The following COL24A1 variants were observed in gnomAD, a reference collection of about 807,000 sequenced individuals.
COL24A1 encodes collagen type XXIV alpha 1 chain.
COL24A1 carries 224 observed loss-of-function variants against 253.9 expected under a neutral mutation model. That is an observed-to-expected ratio of 0.88 (90% CI 0.79 to 0.99). COL24A1 has a LOEUF of 0.99. COL24A1 is among the 50% of genes least tolerant of loss of function. The pLI is 0.00. For missense variants in COL24A1, 2,131 were observed against 2,068.5 expected (o/e 1.03, Z -0.59); for synonymous variants, 685 against 673.7 (o/e 1.02, Z -0.26).
chr1:85,793,832 C>G (rs1670547117), intron 47 of COL24A1, among the ~76,000 whole-genome samples: 1 of 151,946 alleles, frequency 6.6e-6, no homozygotes, highest in African/African-American at 2.4e-5. Flanking sequence ...GGTGTTATAC[C>G]AATGACCAGG....
chr1:85,887,347 G>T lies in COL24A1; in HGVS notation c.2976+2213C>A, dbSNP rs1325454283. 4.6e-5 allele frequency among the ~76,000 whole-genome samples: 7 copies of T among 152,202 alleles called. No individual in the cohort carries two copies. In the East Asian group the frequency reaches 7.7e-4, roughly 17 times the overall value. On this transcript the variant is annotated intron_variant, in intron 32 of 59. Coordinates refer to ENST00000370571, the MANE Select transcript of COL24A1 (RefSeq NM_152890.7). Reference sequence around the variant, plus strand: ...TCACCATTCTCCTCTTATTGAAGGCGATTGGGTACAGTTGTGCAGGTTGAA... The same window carrying T: ...TCACCATTCTCCTCTTATTGAAGGCTATTGGGTACAGTTGTGCAGGTTGAA...
In COL24A1 at chr1:85,904,310, G is replaced by A. The variant is rs372549281; in HGVS notation, c.2778+2884C>T. ...CAAGAAAAAAGATGAGGTTAACTTC[G>A]CTCTGTGTCATCTCTCCTGTTTGGG... On this transcript the variant is annotated intron_variant, in intron 28 of 59. Coordinates refer to ENST00000370571, the MANE Select transcript of COL24A1 (RefSeq NM_152890.7). Among the ~76,000 whole-genome samples, 5 of 152,182 alleles carry A rather than the reference G, an allele frequency of 3.3e-5. No homozygotes were observed. The East Asian group carries it at 5.8e-4, about 18-fold the overall frequency.
chr1:85,957,734 C>T (rs1690616859), intron 24 of COL24A1, among the ~76,000 whole-genome samples: 2 of 152,176 alleles, frequency 1.3e-5, no homozygotes, highest in African/African-American at 2.4e-5. Context: ...TCCTCTTCTA[C>T]TTCTGCTCTT....
intron 19 of COL24A1, among the ~76,000 whole-genome samples, chr1:86,009,669 G>A (rs1696317103): frequency 1.3e-5 from 2 of 152,152 alleles, no homozygotes; most frequent in African/African-American, 2.4e-5. Context: ...GTTGCTCTGA[G>A]TGAGTTAGTA....
chr1:85,830,903 G>A lies in COL24A1; in HGVS notation c.3682-7165C>T, dbSNP rs144498904. ...GTCTTCTGCGTTGCTCACGCTGGGA[G>A]CTGTAGACCGGAGCTGTTCTTATTT... is the stretch of plus-strand genomic sequence containing the variant. On this transcript the variant is annotated intron_variant, in intron 43 of 59. Transcript: ENST00000370571. 7.7e-3 allele frequency among the ~76,000 whole-genome samples: 1,174 copies of A among 152,254 alleles called. 19 individuals are homozygous for A. Among genetic ancestry groups the A allele is most frequent in the Non-Finnish European group, 0.011 (758 of 68,016 alleles).
At chr1:85,823,404 AG>A (rs1673863977) in intron 45 of COL24A1, 131 bp downstream of exon 45, 1 of 755,042 alleles carries the variant, frequency 1.3e-6, no homozygotes, top group South Asian at 1.9e-5. Flanking sequence ...CCCTACTTAG[AG>A]GCCCATAGTG....
At chr1:86,101,397 G>T (rs961571171) in intron 5 of COL24A1, among the ~76,000 whole-genome samples, 15 of 152,048 alleles carry the variant, frequency 9.9e-5, no homozygotes, top group African/African-American at 3.6e-4. Flanking sequence ...TGCCTATTTT[G>T]CTCCGGCCAG....
intron 12 of COL24A1, chr1:86,045,954 CT>C (rs1416425050): frequency 2.8e-6 from 1 of 352,898 alleles, no homozygotes; most frequent in Admixed American, 3.4e-5. Flanking sequence ...TTCAGTGGAG[CT>C]TTGCTCAATT....
At chr1:86,002,177 C>T (rs149420463) in intron 19 of COL24A1, among the ~76,000 whole-genome samples, 2 of 152,250 alleles carry the variant, frequency 1.3e-5, no homozygotes, top group Non-Finnish European at 2.9e-5. Flanking sequence ...CAATCACTTA[C>T]ATCTCTATGA....
intron 12 of COL24A1, among the ~76,000 whole-genome samples, chr1:86,045,500 G>T (rs567022306): frequency 1.3e-5 from 2 of 151,916 alleles, no homozygotes; most frequent in Non-Finnish European, 2.9e-5. Flanking sequence ...ATTAGAAATT[G>T]GATACCCAAT....
At chr1:85,957,881 C>T (rs1316201063) in intron 24 of COL24A1, among the ~76,000 whole-genome samples, 1 of 152,170 alleles carries the variant, frequency 6.6e-6, no homozygotes, top group Non-Finnish European at 1.5e-5. Flanking sequence ...AAACATGGTC[C>T]TAAATGATTG....
intron 19 of COL24A1, among the ~76,000 whole-genome samples, chr1:86,010,792 T>C (rs1696418695): frequency 6.6e-6 from 1 of 152,126 alleles, no homozygotes; most frequent in African/African-American, 2.4e-5. Flanking sequence ...CATGAATTGA[T>C]ATGATTTCCA....
At chr1:85,962,592 C>T (rs1001523260) in intron 23 of COL24A1, among the ~76,000 whole-genome samples, 2 of 151,724 alleles carry the variant, frequency 1.3e-5, no homozygotes, top group Non-Finnish European at 2.9e-5. Flanking sequence ...TAAGTGGGGC[C>T]CTGAAAAATA....
rs757253847 is a variant in COL24A1, at chr1:86,092,290, C to T, written c.1630G>A (p.Gly544Ser). 12 of 1,605,440 alleles carry T rather than the reference C, an allele frequency of 7.5e-6. No homozygotes were observed. Among genetic ancestry groups the T allele is most frequent in the Non-Finnish European group, 1.0e-5 (12 of 1,173,794 alleles). The change falls in exon 6 of 60, where the codon GGT becomes AGT. Residue 544 changes from glycine (G) to serine (S), a missense_variant. By Grantham distance (56) the Gly-to-Ser change is moderately conservative (BLOSUM62 0). Coordinates refer to ENST00000370571, the MANE Select transcript of COL24A1 (RefSeq NM_152890.7). ...ACCTTTTCTCCAGGAACAGGTTGAC[C>T]TGGGGAAAATCCTGGATCTCCTTTG... ...GPKGDPGFSPGQPVPGEKGDQ... is the reference protein window; with the variant it reads ...GPKGDPGFSPSQPVPGEKGDQ...
At chr1:85,943,404 T>C (rs1380823326) in intron 24 of COL24A1, among the ~76,000 whole-genome samples, 2 of 152,216 alleles carry the variant, frequency 1.3e-5, no homozygotes, top group Admixed American at 6.5e-5. Context: ...TATATAACCT[T>C]ATGGTTCTGT....
At chr1:85,842,447 T>C in intron 39 of COL24A1, 54 bp from the exon 40 acceptor site, 1 of 1,148,880 alleles carries the variant, frequency 8.7e-7, no homozygotes, top group Non-Finnish European at 1.3e-6. Context: ...ATTGTTTAAA[T>C]CATTAGACTT....
chr1:85,840,341 T>G (rs925551422), intron 42 of COL24A1, among the ~76,000 whole-genome samples: 3 of 152,158 alleles, frequency 2.0e-5, no homozygotes, highest in African/African-American at 7.2e-5. Context: ...GAAACTTACA[T>G]ATTCCTTTAG....
chr1:85,736,178 T>G, intron 58 of COL24A1: 5 of 392,780 alleles, frequency 1.3e-5, no homozygotes, highest in South Asian at 9.6e-5. Flanking sequence ...GCAGGCCCTC[T>G]GGTGGATCAC....
At chr1:86,109,369 T>A (rs764780962) in intron 5 of COL24A1, among the ~76,000 whole-genome samples, 3 of 152,066 alleles carry the variant, frequency 2.0e-5, no homozygotes, top group Non-Finnish European at 2.9e-5. Context: ...TATGCTATTA[T>A]TACCTATTAA....
Sources: allele counts gnomAD v4.1 joint callset (sites outside exome capture counted in the v4.1 genomes callset), GRCh38; gene constraint gnomAD v4.1.1; transcripts MANE v1.5; gene names NCBI Gene and HGNC (gene_info 2026-07-23, HGNC 2026-07-21).